Variants in TUBGCP3 observed in about 807,000 individuals in gnomAD.
TUBGCP3 encodes gamma-tubulin complex component 3.
Under a neutral mutation model 123.1 loss-of-function variants are expected in TUBGCP3, and 50 were observed. That is an observed-to-expected ratio of 0.41 (90% CI 0.32 to 0.51). TUBGCP3 has a LOEUF of 0.51. Among genes scored for constraint, TUBGCP3 ranks in the 20% least tolerant of loss-of-function variants. TUBGCP3 has a pLI of 0.36. For synonymous variants in TUBGCP3, 405 were observed against 413.9 expected, an observed-to-expected ratio of 0.98 and a Z score of 0.26; for missense variants, 882 against 1,127.0, an observed-to-expected ratio of 0.78 and a Z score of 3.11.
intron 17 of TUBGCP3, among the ~76,000 whole-genome samples, chr13:112,506,829 G>A (rs1048371859): frequency 1.3e-5 from 2 of 152,164 alleles, no homozygotes; most frequent in African/African-American, 4.8e-5. Flanking sequence ...TTTAAGTGAT[G>A]TTCAGCCGTG....
At chr13:112,507,498 CT>C (rs1407178022) in intron 17 of TUBGCP3, among the ~76,000 whole-genome samples, 1 of 152,244 alleles carries the variant, frequency 6.6e-6, no homozygotes, top group Non-Finnish European at 1.5e-5. Context: ...AAGCAGGCTA[CT>C]ATCAGCACTT....
At position 112,519,912 on chromosome 13, in the gene TUBGCP3, G is replaced by A. The variant is rs752278920; in HGVS notation, c.1855C>T (p.Arg619Ter). The A allele has an allele frequency of 2.5e-6, 4 of 1,613,784 alleles. No individual in the cohort carries two copies. The highest frequency in any genetic ancestry group is 1.7e-5 in the Admixed American group (1 of 59,990). ...TCCAGCAGCCGCACGTCCAGCCTTC[G>A]CAGGATCTCAGGACTGTCAAACTGT... Reference protein sequence around the residue: ...NAQFDSPEILRRLDVRLLEVS... With the variant: ...NAQFDSPEIL Residue 619 changes from arginine to a stop codon, truncating the protein, a stop_gained, in exon 15 of 22, where the codon CGA (arginine) becomes TGA (stop). Coordinates refer to ENST00000261965, the MANE Select transcript of TUBGCP3 (RefSeq NM_006322.6). LOFTEE classifies it high-confidence loss of function. This position sits in a 1 kb window ranked among gnomAD's most constrained non-coding sequence, Gnocchi z 6.2.
At chr13:112,503,301 T>C (rs184245387) in intron 19 of TUBGCP3, among the ~76,000 whole-genome samples, 7 of 152,310 alleles carry the variant, frequency 4.6e-5, no homozygotes, top group South Asian at 2.1e-4. Context: ...TTTCAGAACA[T>C]GGACCCTAAG....
chr13:112,521,915 A>G (rs1876657870), intron 14 of TUBGCP3: 20 of 897,618 alleles, frequency 2.2e-5, no homozygotes, highest in Non-Finnish European at 2.5e-5. Context: ...TGAAAAGGTC[A>G]TAGTTTCATT....
At chr13:112,543,276 C>T (rs199779391) in intron 11 of TUBGCP3, among the ~76,000 whole-genome samples, 12 of 152,132 alleles carry the variant, frequency 7.9e-5, no homozygotes, top group Non-Finnish European at 1.8e-4. Context: ...TAGAAAGATA[C>T]AGGCTCACAA....
chr13:112,551,048 G>C (rs560827523), intron 8 of TUBGCP3, among the ~76,000 whole-genome samples: 1 of 152,036 alleles, frequency 6.6e-6, no homozygotes. Context: ...GCAGTGAGCC[G>C]AGATCGCGCC....
At chr13:112,547,432 C>T (rs1181161124) in intron 10 of TUBGCP3, 188 bp downstream of exon 10, 7 of 1,004,392 alleles carry the variant, frequency 7.0e-6, no homozygotes, top group East Asian at 3.2e-5. Flanking sequence ...AGGACAAAAA[C>T]GGGCAGGACA....
At chr13:112,580,804 T>TA (rs1467942700) in intron 1 of TUBGCP3, among the ~76,000 whole-genome samples, 2 of 152,128 alleles carry the variant, frequency 1.3e-5, no homozygotes, top group African/African-American at 4.8e-5. Context: ...GTAAGAGAAA[T>TA]AAAGACATTT....
intron 14 of TUBGCP3, among the ~76,000 whole-genome samples, chr13:112,521,240 G>C (rs1434070490): frequency 6.6e-6 from 1 of 152,216 alleles, no homozygotes; most frequent in East Asian, 1.9e-4. Context: ...TACTGTACTA[G>C]TGAACTTTCT....
upstream of TUBGCP3, among the ~76,000 whole-genome samples, chr13:112,589,534 C>T (rs7325391): frequency 6.6e-6 from 1 of 152,192 alleles, no homozygotes; most frequent in Non-Finnish European, 1.5e-5. Context: ...TGTCAGTTGG[C>T]AAAAGGAATA....
rs552732628 is a variant in TUBGCP3, at chr13:112,587,853, G to A, written c.76+52C>T. The A allele has an allele frequency of 1.4e-5, 21 of 1,496,552 alleles. No individual in the cohort carries two copies. In the African/African-American group the frequency reaches 1.9e-4, roughly 13 times the overall value. The allele number at this position is 1,496,552 out of a possible 1,614,324, so 92.7% of individuals were successfully genotyped here. On this transcript the variant is annotated intron_variant, in intron 1 of 21. Transcript: ENST00000261965. ...GAACGTATTAGGGCTGCACGCGCAG[G>A]GAGCAGCCCCCGGGACGGGTCTGCG...
the TUBGCP3 span, among the ~76,000 whole-genome samples, chr13:112,599,396 T>C: frequency 2.6e-5 from 4 of 152,250 alleles, no homozygotes; most frequent in Admixed American, 2.0e-4. Context: ...GAGAGAGTTG[T>C]CTATTCTCCC....
rs188092035 is a variant in TUBGCP3 at position 112,519,471 on chromosome 13, G to A, written c.1881+415C>T. On this transcript the variant is annotated intron_variant, in intron 15 of 21. Coordinates refer to ENST00000261965, the MANE Select transcript of TUBGCP3 (RefSeq NM_006322.6). This position sits in a 1 kb window ranked among gnomAD's most constrained non-coding sequence, Gnocchi z 6.2. The stretch of plus-strand genomic sequence containing the variant: ...TAACCACACCCTTAAGAAAAGTCAT[G>A]TCCTACCAAACTGCAACTAAAAGCA... 1.7e-3 allele frequency among the ~76,000 whole-genome samples: 264 copies of A among 152,296 alleles called. 1 individual carries two copies. The highest frequency in any genetic ancestry group is 6.2e-3 in the African/African-American group (259 of 41,568).
chr13:112,547,533 CGT>C (rs772544515), intron 10 of TUBGCP3, 85 bp downstream of exon 10: 40 of 1,169,398 alleles, frequency 3.4e-5, no homozygotes, highest in African/African-American at 6.5e-5. Context: ...GTGGGAAAGA[CGT>C]GCATGGGAAA....
At chr13:112,515,388 A>G (rs1185107415) in intron 17 of TUBGCP3, among the ~76,000 whole-genome samples, 1 of 152,180 alleles carries the variant, frequency 6.6e-6, no homozygotes, top group Non-Finnish European at 1.5e-5. Flanking sequence ...GGTGGTATTC[A>G]TAAGAACACA....
intron 2 of TUBGCP3, among the ~76,000 whole-genome samples, chr13:112,565,481 G>A (rs1880879293): frequency 6.6e-6 from 1 of 152,166 alleles, no homozygotes; most frequent in African/African-American, 2.4e-5. Flanking sequence ...TAAACAGTAA[G>A]GCAAACTATG....
rs1882746069 is a variant in TUBGCP3, at chr13:112,587,963, C to G, written c.18G>C (p.Gln6His). ...TCTGCAGCAGAACGTTCGGCGACTT[C>G]TGGTCCGGGGTCGCCATCCTCGCCC... is the stretch of plus-strand genomic sequence containing the variant. MATPD[Q>H]KSPNVLLQNL... Residue 6 changes from glutamine (Q) to histidine (H), a missense_variant, in exon 1 of 22, where the codon CAG becomes CAC. By Grantham distance (24) the Gln-to-His change is conservative. Coordinates refer to ENST00000261965, the MANE Select transcript of TUBGCP3 (RefSeq NM_006322.6). The G allele has an allele frequency of 6.3e-7, 1 of 1,590,664 alleles. No homozygotes were observed. The highest frequency in any genetic ancestry group is 1.4e-5 in the African/African-American group (1 of 72,328).
chr13:112,517,953 T>C (rs1426868994), intron 16 of TUBGCP3, among the ~76,000 whole-genome samples: 1 of 152,226 alleles, frequency 6.6e-6, no homozygotes, highest in South Asian at 2.1e-4. Context: ...GCATTGTAAC[T>C]ATTTTAAATT....
intron 20 of TUBGCP3, among the ~76,000 whole-genome samples, chr13:112,492,487 G>A (rs1296251341): frequency 1.3e-5 from 2 of 152,256 alleles, no homozygotes; most frequent in African/African-American, 2.4e-5. Context: ...GCAAGCGAGG[G>A]CATCTCAGCA....
Sources: allele counts gnomAD v4.1 joint callset (sites outside exome capture counted in the v4.1 genomes callset), GRCh38; gene constraint gnomAD v4.1.1; non-coding constraint Gnocchi (gnomAD v3.1); transcripts MANE v1.5; gene names NCBI Gene and HGNC (gene_info 2026-07-23, HGNC 2026-07-21).